Variants in MCF2L2 observed in about 807,000 individuals in gnomAD.
The protein encoded by MCF2L2 is MCF.2 cell line derived transforming sequence-like 2.
Under a neutral mutation model 150.2 loss-of-function variants are expected in MCF2L2, and 102 were observed. That is an observed-to-expected ratio of 0.68 (90% CI 0.58 to 0.80). MCF2L2 has a LOEUF of 0.80. MCF2L2 is among the 30% of genes least tolerant of loss of function. The pLI, the probability that MCF2L2 is intolerant of heterozygous loss-of-function variation, is 0.00. For missense variants in MCF2L2, 1,256 were observed against 1,372.8 expected (o/e 0.91, Z 1.34); for synonymous variants, 465 against 491.3 (o/e 0.95, Z 0.71).
chr3:183,269,532 A>T (rs1299090995), intron 15 of MCF2L2: 3 of 386,394 alleles, frequency 7.8e-6, no homozygotes, highest in Non-Finnish European at 1.4e-5. Context: ...GAGCCGCATG[A>T]GGCCGCCCAC....
intron 3 of MCF2L2, among the ~76,000 whole-genome samples, chr3:183,355,362 C>G (rs138508504): frequency 4.3e-4 from 65 of 151,800 alleles, no homozygotes; most frequent in African/African-American, 1.5e-3. Context: ...AGAGGCAACT[C>G]CAACACAGTC....
intron 5 of MCF2L2, among the ~76,000 whole-genome samples, chr3:183,325,252 G>C (rs922028359): frequency 6.6e-6 from 1 of 151,698 alleles, no homozygotes; most frequent in South Asian, 2.1e-4. Context: ...ATGTACCCTA[G>C]AACTTAAAGT....
At chr3:183,193,174 G>T (rs1436230622) in intron 26 of MCF2L2, 78 bp from the exon 27 acceptor site, 1 of 1,197,560 alleles carries the variant, frequency 8.4e-7, no homozygotes, top group Non-Finnish European at 1.2e-6. Context: ...TTGGAGTAAC[G>T]CTGGCCCACC....
chr3:183,315,664 G>A (rs1005518854), intron 7 of MCF2L2, among the ~76,000 whole-genome samples: 8 of 152,144 alleles, frequency 5.3e-5, no homozygotes, highest in Non-Finnish European at 8.8e-5. Context: ...GCATGCATAA[G>A]GAAATCCTCT....
At chr3:183,325,702 G>C (rs184372187) in intron 5 of MCF2L2, among the ~76,000 whole-genome samples, 1 of 152,194 alleles carries the variant, frequency 6.6e-6, no homozygotes, top group Non-Finnish European at 1.5e-5. Context: ...CCTTGCACAG[G>C]GTCTGGAGTT....
rs1209116381 is a variant in MCF2L2, at chr3:183,323,648, A to AG, written c.487-298_487-297insC. Among the ~76,000 whole-genome samples the AG allele has an allele frequency of 5.9e-5, 9 of 151,912 alleles. 1 individual carries two copies. The highest frequency in any genetic ancestry group is 2.2e-4 in the African/African-American group (9 of 41,418). On this transcript the variant is annotated intron_variant, in intron 5 of 29. Transcript: ENST00000328913. ...CACTAGAAAAAAAATAAAAAAAAAAATTAGCCAGGCATGGTGGCATGCACC... is the reference window on the plus strand; with the variant it reads ...CACTAGAAAAAAAATAAAAAAAAAAAGTTAGCCAGGCATGGTGGCATGCACC...
At chr3:183,216,994 G>GA (rs200358888) in intron 21 of MCF2L2, among the ~76,000 whole-genome samples, 4,580 of 146,554 alleles carry the variant, frequency 0.031, 205 homozygotes, top group African/African-American at 0.11. Context: ...GGGGCTTACT[G>GA]AAAAAAAAAA....
rs369167689 is a variant in MCF2L2, at chr3:183,241,137, G to T, written c.1863-10120C>A. 2.8e-4 allele frequency among the ~76,000 whole-genome samples: 42 copies of T among 152,320 alleles called. 2 individuals are homozygous for T. In the South Asian group the frequency reaches 8.3e-3, roughly 30 times the overall value. On this transcript the variant is annotated intron_variant, in intron 15 of 29. Transcript: ENST00000328913. The stretch of plus-strand genomic sequence containing the variant: ...GAGGAGGGGCAACTAATTAAACCAG[G>T]GGTTGGGGGAGACACTGCCAACTCT...
chr3:183,376,580 C>A (rs191425496), intron 3 of MCF2L2: 1 of 152,190 alleles, frequency 6.6e-6, no homozygotes, highest in Non-Finnish European at 1.5e-5. Flanking sequence ...CCGTCAGGGT[C>A]CCCCTTCTCA....
At chr3:183,201,318 G>C (rs1229741911) in intron 25 of MCF2L2, among the ~76,000 whole-genome samples, 1 of 152,096 alleles carries the variant, frequency 6.6e-6, no homozygotes, top group Non-Finnish European at 1.5e-5. Flanking sequence ...GTGGTTTGTA[G>C]TTCTCCTTGA....
At chr3:183,421,641 C>T (rs1434990704) in intron 1 of MCF2L2, among the ~76,000 whole-genome samples, 1 of 152,120 alleles carries the variant, frequency 6.6e-6, no homozygotes, top group Non-Finnish European at 1.5e-5. Context: ...GACACCTGGG[C>T]TTTCTCACAG....
intron 3 of MCF2L2, among the ~76,000 whole-genome samples, chr3:183,344,048 T>C (rs1339141534): frequency 6.6e-6 from 1 of 151,994 alleles, no homozygotes; most frequent in Non-Finnish European, 1.5e-5. Context: ...TGTGTGCCCG[T>C]AGTCTCAGCT....
Position 183,219,796 on chromosome 3 carries a change from C to A in MCF2L2, c.2370+60G>T, listed in dbSNP as rs11925606. ...AGTAAAATTGCTATAAATCCTCCGA[C>A]CCATAGACAAACACCATTAATAGTT... On this transcript the variant is annotated intron_variant, in intron 21 of 29. Coordinates refer to ENST00000328913, the MANE Select transcript of MCF2L2 (RefSeq NM_015078.4). The A allele has an allele frequency of 2.3e-3, 2,606 of 1,136,906 alleles. 35 individuals are homozygous for A. In the African/African-American group the frequency reaches 0.036, roughly 16 times the overall value. 70.4% of individuals were successfully genotyped at this position (1,136,906 alleles called of 1,614,324 possible).
chr3:183,355,613 A>ATTT (rs71185653), intron 3 of MCF2L2, among the ~76,000 whole-genome samples: 155 of 84,408 alleles, frequency 1.8e-3, no homozygotes, highest in African/African-American at 6.2e-3. Context: ...CGCCCAGCTA[A>ATTT]TTTTTTTTTT....
chr3:183,179,159 T>G lies in MCF2L2; in HGVS notation c.*221A>C, dbSNP rs1022273297. The G allele has an allele frequency of 4.1e-6, 2 of 489,234 alleles. No homozygotes were observed. Among genetic ancestry groups the G allele is most frequent in the African/African-American group, 4.0e-5 (2 of 49,778 alleles). The allele number at this position is 489,234 out of a possible 1,614,324, so 30.3% of individuals were successfully genotyped here. A position where few individuals can be genotyped will look rare whatever the true frequency, so the allele number is the denominator to read the frequency against. ...GTGGGCTGCGGGCTCTGCTCGCCTC[T>G]GCAGGCGCCTTAGAGCAGCTCCGAG... On this transcript the variant is annotated 3_prime_UTR_variant, in exon 30 of 30. Coordinates refer to ENST00000328913, the MANE Select transcript of MCF2L2 (RefSeq NM_015078.4). The surrounding 1 kb of genome is among the most constrained non-coding windows in gnomAD (Gnocchi z 4.2).
chr3:183,289,077 C>A, intron 14 of MCF2L2, 43 bp downstream of exon 14: 1 of 1,327,766 alleles, frequency 7.5e-7, no homozygotes, highest in East Asian at 2.3e-5. Context: ...GCAATCTTCC[C>A]TCTTGTCAGG....
chr3:183,368,201 C>G (rs920770159), intron 3 of MCF2L2, among the ~76,000 whole-genome samples: 2 of 152,182 alleles, frequency 1.3e-5, no homozygotes, highest in Non-Finnish European at 2.9e-5. Context: ...GGCCCTACCC[C>G]TAGACTTACT....
rs555171345 is a variant in MCF2L2, at chr3:183,227,663, C to G, written c.2115+634G>C. On this transcript the variant is annotated intron_variant, in intron 18 of 29. Transcript: ENST00000328913. This position sits in a 1 kb window ranked among gnomAD's most constrained non-coding sequence, Gnocchi z 4.0. ...TTGGGGACCATGGATGGCCAGCCTT[C>G]CATTTCATGGGGCTTTGCAGGAAGC... The G allele has an allele frequency of 2.0e-5, 3 of 152,244 alleles. No homozygotes were observed. The highest frequency in any genetic ancestry group is 7.2e-5 in the African/African-American group (3 of 41,536). The allele number at this position is 152,244 out of a possible 1,614,324, so 9.4% of individuals were successfully genotyped here.
chr3:183,230,407 T>C (rs981508175), intron 16 of MCF2L2, among the ~76,000 whole-genome samples: 2 of 152,170 alleles, frequency 1.3e-5, no homozygotes, highest in Non-Finnish European at 2.9e-5. Flanking sequence ...AGCCACTGCA[T>C]CCGGCCCAAT....
Sources: allele counts gnomAD v4.1 joint callset (sites outside exome capture counted in the v4.1 genomes callset), GRCh38; gene constraint gnomAD v4.1.1; non-coding constraint Gnocchi (gnomAD v3.1); transcripts MANE v1.5; gene names NCBI Gene and HGNC (gene_info 2026-07-23, HGNC 2026-07-21).